Variants in MEIS2 observed in about 807,000 individuals in gnomAD.
MEIS2 encodes the protein homeobox protein Meis2.
MEIS2 carries 9 observed loss-of-function variants against 58.6 expected under a neutral mutation model. The ratio of observed to expected loss-of-function variants is 0.15; its 90% CI spans 0.09 to 0.27. The LOEUF is 0.27. MEIS2 is among the 10% of genes least tolerant of loss of function. MEIS2 has a pLI of 1.00. For missense variants in MEIS2, 427 were observed against 635.0 expected (o/e 0.67, Z 3.52); for synonymous variants, 221 against 228.4 (o/e 0.97, Z 0.29).
intron 7 of MEIS2, 21 bp from the exon 8 acceptor site, chr15:37,036,980 T>C (rs781231827): frequency 1.4e-5 from 22 of 1,588,066 alleles, no homozygotes; most frequent in South Asian, 2.3e-5. Context: ...GAAATAAAAA[T>C]ACATTAGAGA....
At chr15:36,966,869 A>G (rs2141449895) in intron 8 of MEIS2, among the ~76,000 whole-genome samples, 1 of 122,098 alleles carries the variant, frequency 8.2e-6, no homozygotes. Context: ...ATCATAGACA[A>G]GTGTAGTCAG....
At chr15:36,916,075 AATTTTATTAC>A (rs2057263100) in intron 9 of MEIS2, among the ~76,000 whole-genome samples, 2 of 152,064 alleles carry the variant, frequency 1.3e-5, no homozygotes, top group Non-Finnish European at 2.9e-5. Flanking sequence ...TAATGCTCAT[AATTTTATTAC>A]ATTAAAGAAG....
rs369432376 is a variant in MEIS2, at chr15:36,891,457, C to T, written c.*716G>A. The T allele has an allele frequency of 6.6e-6, 1 of 152,572 alleles. No homozygotes were observed. Among genetic ancestry groups the T allele is most frequent in the African/African-American group, 2.4e-5 (1 of 41,426 alleles). The allele number at this position is 152,572 out of a possible 1,614,324, so 9.5% of individuals were successfully genotyped here. On this transcript the variant is annotated 3_prime_UTR_variant, in exon 12 of 12. Coordinates refer to ENST00000561208, the MANE Select transcript of MEIS2 (RefSeq NM_170675.5). ...GCCCAACTTAAGATTGTTTTGTCCA[C>T]AACCAAGGCTCAGAACTCCTGGAAG...
At chr15:36,897,463 T>C (rs1036917347) in intron 9 of MEIS2, 2 of 152,234 alleles carry the variant, frequency 1.3e-5, no homozygotes, top group East Asian at 1.9e-4. Context: ...AGTTATTTCA[T>C]CTAAGAAGCC....
intron 7 of MEIS2, among the ~76,000 whole-genome samples, chr15:37,065,070 G>C (rs1214149738): frequency 6.6e-6 from 1 of 152,168 alleles, no homozygotes; most frequent in African/African-American, 2.4e-5. Context: ...TTTTTCAGAA[G>C]TTTTCAAGAT....
chr15:37,042,027 G>A (rs2062443846), intron 7 of MEIS2, among the ~76,000 whole-genome samples: 1 of 151,924 alleles, frequency 6.6e-6, no homozygotes, highest in South Asian at 2.1e-4. Context: ...AAATTAGCCA[G>A]GCATGGTGGT....
chr15:37,099,276 A>C, intron 1 of MEIS2, 179 bp downstream of exon 1: 1 of 1,468,250 alleles, frequency 6.8e-7, no homozygotes, highest in Non-Finnish European at 9.0e-7. Context: ...ACACTCGCAC[A>C]CACGCAGAGG....
In MEIS2 at chr15:37,027,143, A is replaced by C. The variant is rs369619009; in HGVS notation, c.900+9671T>G. ...TCAACCACCCTAATGCTTCCTACCT[A>C]AGTCACTATTTCTTAACAGGAGAAA... On this transcript the variant is annotated intron_variant, in intron 8 of 11. Transcript: ENST00000561208. Among the ~76,000 whole-genome samples, 13 of 152,290 alleles carry C rather than the reference A, an allele frequency of 8.5e-5. No homozygotes were observed. In the East Asian group the frequency reaches 2.3e-3, roughly 27 times the overall value.
chr15:37,031,421 A>ATGTGTGCG (rs1555455659), intron 8 of MEIS2, among the ~76,000 whole-genome samples: 1 of 146,844 alleles, frequency 6.8e-6, no homozygotes, highest in Admixed American at 6.8e-5. Context: ...TCCCTTGCAT[A>ATGTGTGCG]TGTGTGTGTG....
intron 7 of MEIS2, among the ~76,000 whole-genome samples, chr15:37,062,514 C>T (rs539713479): frequency 1.6e-4 from 24 of 152,286 alleles, no homozygotes; most frequent in African/African-American, 5.3e-4. Flanking sequence ...ACAAAGAAGA[C>T]GGAAACGTAC....
chr15:37,098,830 G>A, intron 1 of MEIS2: 9 of 808,058 alleles, frequency 1.1e-5, no homozygotes, highest in Non-Finnish European at 1.3e-5. Flanking sequence ...CGAGGACTAG[G>A]AAAGACTAGG....
intron 8 of MEIS2, among the ~76,000 whole-genome samples, chr15:36,997,512 A>C (rs1421639783): frequency 1.3e-5 from 2 of 149,338 alleles, no homozygotes; most frequent in African/African-American, 4.9e-5. Context: ...TTTGAGACAG[A>C]ATCTTGCTCT....
chr15:36,937,395 G>A (rs1412974168), intron 9 of MEIS2, among the ~76,000 whole-genome samples: 2 of 152,184 alleles, frequency 1.3e-5, no homozygotes, highest in Non-Finnish European at 2.9e-5. Context: ...GACCTGGTAT[G>A]TGAGTTTGTT....
At chr15:36,994,615 G>T (rs1210653087) in intron 8 of MEIS2, among the ~76,000 whole-genome samples, 1 of 152,064 alleles carries the variant, frequency 6.6e-6, no homozygotes, top group African/African-American at 2.4e-5. Flanking sequence ...TTTTCATGCA[G>T]CACATTATTA....
chr15:36,989,832 T>C (rs2060210638), intron 8 of MEIS2, among the ~76,000 whole-genome samples: 1 of 152,258 alleles, frequency 6.6e-6, no homozygotes, highest in Non-Finnish European at 1.5e-5. Flanking sequence ...GTTTCTGTAG[T>C]GTAAGTACAG....
intron 11 of MEIS2, among the ~76,000 whole-genome samples, chr15:36,892,950 G>T (rs906547256): frequency 1.2e-4 from 19 of 152,218 alleles, no homozygotes; most frequent in African/African-American, 3.6e-4. Flanking sequence ...TTGAAGAAAT[G>T]AGCTTTTACG....
intron 9 of MEIS2, among the ~76,000 whole-genome samples, chr15:36,921,897 C>T (rs1333176126): frequency 6.6e-6 from 1 of 152,190 alleles, no homozygotes; most frequent in Non-Finnish European, 1.5e-5. Context: ...ACTTAGTTTG[C>T]CCTTACGTAC....
At chr15:37,031,199 T>A (rs1408108174) in intron 8 of MEIS2, among the ~76,000 whole-genome samples, 3 of 152,178 alleles carry the variant, frequency 2.0e-5, no homozygotes, top group Non-Finnish European at 4.4e-5. Flanking sequence ...TCTGCAGATA[T>A]GAAAAATGAG....
chr15:37,091,430 A>C (rs1233934337), intron 6 of MEIS2, among the ~76,000 whole-genome samples: 1 of 152,156 alleles, frequency 6.6e-6, no homozygotes, highest in Non-Finnish European at 1.5e-5. Context: ...TATAGTTCAG[A>C]TCTCTAGGAA....
Sources: gnomAD v4.1 joint callset for allele counts (sites outside exome capture counted in the v4.1 genomes callset) on GRCh38, gnomAD v4.1.1 for gene constraint, MANE v1.5 for transcripts, NCBI Gene and HGNC (gene_info 2026-07-23, HGNC 2026-07-21) for gene names.